TMEM182: variants seen among roughly 807,000 people sequenced by gnomAD.
The protein encoded by TMEM182 is transmembrane protein 182.
Under a neutral mutation model 26.8 loss-of-function variants are expected in TMEM182, and 20 were observed. The ratio of observed to expected loss-of-function variants is 0.75; its 90% CI spans 0.53 to 1.09. The LOEUF (loss-of-function observed/expected upper bound fraction) is 1.09. Among genes scored for constraint, TMEM182 ranks in the 50% least tolerant of loss-of-function variants. The pLI is 0.00. For synonymous variants in TMEM182, 109 were observed against 102.2 expected (o/e 1.07, Z -0.40); for missense variants, 277 against 275.5 (o/e 1.01, Z -0.04).
intron 3 of TMEM182, among the ~76,000 whole-genome samples, chr2:102,825,481 T>C (rs999992706): frequency 5.9e-5 from 9 of 152,356 alleles, no homozygotes; most frequent in Non-Finnish European, 1.3e-4. Context: ...CTTTGAATCA[T>C]AGCCAAGCCA....
chr2:102,771,883 G>T (rs1680691251), intron 3 of TMEM182, among the ~76,000 whole-genome samples: 1 of 152,184 alleles, frequency 6.6e-6, no homozygotes, highest in Non-Finnish European at 1.5e-5. Flanking sequence ...GTAGATCCCA[G>T]TTATGATAAC....
intron 3 of TMEM182, among the ~76,000 whole-genome samples, chr2:102,836,871 T>G (rs2104779916): frequency 6.6e-6 from 1 of 152,356 alleles, no homozygotes; most frequent in South Asian, 2.1e-4. Flanking sequence ...GGCCTTATAC[T>G]GGGAATCCTG....
upstream of TMEM182, among the ~76,000 whole-genome samples, chr2:102,759,463 A>G (rs1246845171): frequency 6.6e-6 from 1 of 152,174 alleles, no homozygotes; most frequent in East Asian, 1.9e-4. Context: ...AACTCCTCAA[A>G]GTCAGGGCCT....
chr2:102,742,156 T>A (rs1308425985), intron 1 of TMEM182, among the ~76,000 whole-genome samples: 1 of 152,046 alleles, frequency 6.6e-6, no homozygotes, highest in Non-Finnish European at 1.5e-5. Flanking sequence ...CATGCAAGAA[T>A]GGAGGGATAA....
At chr2:102,750,118 A>G (rs1679836272) in intron 1 of TMEM182, among the ~76,000 whole-genome samples, 3 of 152,124 alleles carry the variant, frequency 2.0e-5, no homozygotes, top group Non-Finnish European at 4.4e-5. Flanking sequence ...CTTAAGTAGT[A>G]TGCTACTTGC....
intron 3 of TMEM182, among the ~76,000 whole-genome samples, chr2:102,770,688 G>A (rs1680636789): frequency 1.3e-5 from 2 of 152,124 alleles, no homozygotes; most frequent in Admixed American, 6.5e-5. Context: ...CGGATGCTTG[G>A]GGAGTGAGCA....
At chr2:102,763,747 A>G (rs912626654) in intron 2 of TMEM182, among the ~76,000 whole-genome samples, 2 of 152,230 alleles carry the variant, frequency 1.3e-5, no homozygotes, top group African/African-American at 4.8e-5. Flanking sequence ...GAAAGAAAGA[A>G]TATTTCAATA....
At chr2:102,822,222 C>T (rs1295346899), downstream of TMEM182, among the ~76,000 whole-genome samples, 2 of 152,058 alleles carry the variant, frequency 1.3e-5, no homozygotes, top group African/African-American at 4.8e-5. Context: ...ACATGTAAAG[C>T]CATGGCAAAG....
rs149440772 is a variant in TMEM182, at chr2:102,777,937, G to A, written c.331+13510G>A. On this transcript the variant is annotated intron_variant, in intron 3 of 4. Transcript: ENST00000412401. ...TGTTTTACAGCTTGGGATATGATCAGTATTGGTATATGTTCCTTGGTACTT... is the reference window on the plus strand; with the variant it reads ...TGTTTTACAGCTTGGGATATGATCAATATTGGTATATGTTCCTTGGTACTT... 1.7e-3 allele frequency among the ~76,000 whole-genome samples: 255 copies of A among 151,958 alleles called. 4 individuals carry two copies. In the East Asian group the frequency reaches 0.041, roughly 24 times the overall value.
At chr2:102,779,688 T>A (rs1245763418) in intron 3 of TMEM182, among the ~76,000 whole-genome samples, 1 of 150,672 alleles carries the variant, frequency 6.6e-6, no homozygotes, top group Admixed American at 6.6e-5. Flanking sequence ...TCATACTTTC[T>A]ATTTTTTTTT....
At chr2:102,802,527 C>G (rs1212606629) in intron 4 of TMEM182, among the ~76,000 whole-genome samples, 3 of 152,190 alleles carry the variant, frequency 2.0e-5, no homozygotes, top group East Asian at 3.9e-4. Flanking sequence ...ACCTAAACTG[C>G]TGCTGTTTGT....
chr2:102,738,291 C>T (rs1558746767), intron 1 of TMEM182, among the ~76,000 whole-genome samples: 1 of 152,118 alleles, frequency 6.6e-6, no homozygotes, highest in African/African-American at 2.4e-5. Context: ...ATCTCATACA[C>T]GCCAAAAGAA....
At chr2:102,738,288 A>G (rs1679423345) in intron 1 of TMEM182, among the ~76,000 whole-genome samples, 1 of 152,158 alleles carries the variant, frequency 6.6e-6, no homozygotes, top group Admixed American at 6.5e-5. Flanking sequence ...GACATCTCAT[A>G]CACGCCAAAA....
intron 2 of TMEM182, among the ~76,000 whole-genome samples, chr2:102,763,267 G>A (rs1444431939): frequency 6.6e-6 from 1 of 152,034 alleles, no homozygotes; most frequent in African/African-American, 2.4e-5. Flanking sequence ...AAACTTTAAA[G>A]TTCTTTTTTA....
At chr2:102,759,388 G>C (rs1282897665), upstream of TMEM182, among the ~76,000 whole-genome samples, 5 of 152,052 alleles carry the variant, frequency 3.3e-5, no homozygotes, top group Non-Finnish European at 7.4e-5. Flanking sequence ...GATGACCAGA[G>C]CTCATTATTA....
intron 1 of TMEM182, chr2:102,737,127 C>T (rs1679376486): frequency 6.4e-6 from 2 of 314,044 alleles, no homozygotes; most frequent in East Asian, 1.5e-4. Context: ...AGCTTCACTT[C>T]CTCCTATGGA....
intron 3 of TMEM182, among the ~76,000 whole-genome samples, chr2:102,774,329 T>C (rs865844856): frequency 6.7e-6 from 1 of 148,288 alleles, no homozygotes; most frequent in African/African-American, 2.5e-5. Context: ...TATCTCAGCT[T>C]ACTGCAACCT....
chr2:102,791,842 C>T (rs1005627398), intron 3 of TMEM182, among the ~76,000 whole-genome samples: 1 of 151,944 alleles, frequency 6.6e-6, no homozygotes, highest in African/African-American at 2.4e-5. Flanking sequence ...CCAAAATCTT[C>T]AAAGACAAGG....
chr2:102,825,165 T>C (rs1227929059), intron 3 of TMEM182, among the ~76,000 whole-genome samples: 2 of 152,230 alleles, frequency 1.3e-5, no homozygotes, highest in African/African-American at 4.8e-5. Flanking sequence ...AGGTCTGTTA[T>C]TGCCTATTGG....
Sources: allele counts gnomAD v4.1 joint callset (sites outside exome capture counted in the v4.1 genomes callset), GRCh38; gene constraint gnomAD v4.1.1; transcripts MANE v1.5; gene names NCBI Gene and HGNC (gene_info 2026-07-23, HGNC 2026-07-21).